The following BACE2 variants were observed in gnomAD, a reference collection of about 807,000 sequenced individuals.
BACE2 encodes 56 kDa aspartic-like protease.
BACE2 carries 17 observed loss-of-function variants against 46.2 expected under a neutral mutation model. That is an observed-to-expected ratio of 0.37 (90% CI 0.25 to 0.55). The LOEUF is 0.55. BACE2 is among the 20% of genes least tolerant of loss of function. The pLI is 0.82. For missense variants in BACE2, 595 were observed against 698.1 expected (o/e 0.85, Z 1.66); for synonymous variants, 277 against 295.9 (o/e 0.94, Z 0.66).
rs1291332886 is a variant in BACE2 at position 41,276,955 on chromosome 21, T to C, written c.*1331T>C. 6.6e-6 allele frequency: 1 copy of C among 152,110 alleles called. No homozygotes were observed. The highest frequency in any genetic ancestry group is 1.5e-5 in the Non-Finnish European group (1 of 68,020). The allele number at this position is 152,110 out of a possible 1,614,324, so 9.4% of individuals were successfully genotyped here. A position where few individuals can be genotyped will look rare whatever the true frequency, so the allele number is the denominator to read the frequency against. The stretch of plus-strand genomic sequence containing the variant: ...TACTTTCTGTCACTTATCGAGGCCT[T>C]TGCCAAAGAAAAGTGGAAGCCGTTT... On this transcript the variant is annotated 3_prime_UTR_variant, in exon 9 of 9. Transcript: ENST00000330333.
In BACE2 at chr21:41,168,331, A is replaced by G; in HGVS notation, c.68A>G (p.Glu23Gly). ...LAQWLLRAAPELAPAPFTLPL... is the reference protein window; with the variant it reads ...LAQWLLRAAPGLAPAPFTLPL... The stretch of plus-strand genomic sequence containing the variant: ...CAGTGGCTCCTGCGCGCCGCCCCGG[A>G]GCTGGCCCCCGCGCCCTTCACGCTG... Residue 23 changes from glutamate to glycine, a missense_variant, in exon 1 of 9, where the codon GAG becomes GGG. Glu to Gly is a moderately conservative substitution (Grantham distance 98, BLOSUM62 -2). Transcript: ENST00000330333. 2 of 1,354,078 alleles carry G rather than the reference A, an allele frequency of 1.5e-6. No individual in the cohort carries two copies. The highest frequency in any genetic ancestry group is 1.9e-6 in the Non-Finnish European group (2 of 1,051,610). The allele number at this position is 1,354,078 out of a possible 1,614,324, so 83.9% of individuals were successfully genotyped here. A position where few individuals can be genotyped will look rare whatever the true frequency, so the allele number is the denominator to read the frequency against.
intron 8 of BACE2, among the ~76,000 whole-genome samples, chr21:41,259,402 C>T (rs1455552402): frequency 6.6e-6 from 1 of 151,214 alleles, no homozygotes; most frequent in African/African-American, 2.4e-5. Flanking sequence ...AGACAGTGCT[C>T]GATAGAACCC....
At chr21:41,270,730 A>G (rs1221229900) in intron 8 of BACE2, among the ~76,000 whole-genome samples, 1 of 152,224 alleles carries the variant, frequency 6.6e-6, no homozygotes, top group Non-Finnish European at 1.5e-5. Flanking sequence ...ATTGTCCAGA[A>G]TATAGTCTAT....
chr21:41,252,304 G>A (rs1274282350), intron 7 of BACE2, among the ~76,000 whole-genome samples: 3 of 152,046 alleles, frequency 2.0e-5, no homozygotes, highest in Non-Finnish European at 2.9e-5. Flanking sequence ...GCCTGCAACT[G>A]TCTCCTAACC....
At chr21:41,250,974 TTA>T in intron 7 of BACE2, 73 bp downstream of exon 7, 1 of 1,380,704 alleles carries the variant, frequency 7.2e-7, no homozygotes, top group Non-Finnish European at 1.0e-6. Flanking sequence ...GACACGTGTA[TTA>T]GATGTCACAC....
intron 8 of BACE2, among the ~76,000 whole-genome samples, chr21:41,260,894 T>A (rs1391480408): frequency 2.6e-5 from 4 of 152,216 alleles, no homozygotes; most frequent in Admixed American, 6.5e-5. Flanking sequence ...TGGTTTATTT[T>A]TTTTTATTTT....
chr21:41,173,306 C>T (rs1018850030), intron 1 of BACE2, among the ~76,000 whole-genome samples: 1 of 152,092 alleles, frequency 6.6e-6, no homozygotes, highest in East Asian at 1.9e-4. Context: ...ACACAAATGA[C>T]GATTTTAGTG....
intron 1 of BACE2, among the ~76,000 whole-genome samples, chr21:41,201,849 G>C (rs891367861): frequency 6.6e-6 from 1 of 152,196 alleles, no homozygotes; most frequent in Non-Finnish European, 1.5e-5. Flanking sequence ...AGGGTTTTAA[G>C]CAGTAATCAA....
intron 1 of BACE2, among the ~76,000 whole-genome samples, chr21:41,206,004 C>T (rs1568867297): frequency 6.6e-6 from 1 of 152,160 alleles, no homozygotes; most frequent in Non-Finnish European, 1.5e-5. Context: ...GCATCATTCA[C>T]AATAGCAAAA....
chr21:41,259,449 T>C (rs1987872947), intron 8 of BACE2, among the ~76,000 whole-genome samples: 1 of 152,144 alleles, frequency 6.6e-6, no homozygotes, highest in Non-Finnish European at 1.5e-5. Flanking sequence ...TTCTTTTTTT[T>C]TTTTAAGTAT....
chr21:41,265,897 A>G (rs935532422), intron 8 of BACE2, among the ~76,000 whole-genome samples: 4 of 152,204 alleles, frequency 2.6e-5, no homozygotes, highest in Non-Finnish European at 4.4e-5. Context: ...GACTTATTCA[A>G]GTACTTTCAT....
At chr21:41,195,078 G>C (rs1355638090) in intron 1 of BACE2, among the ~76,000 whole-genome samples, 1 of 152,230 alleles carries the variant, frequency 6.6e-6, no homozygotes, top group Non-Finnish European at 1.5e-5. Flanking sequence ...GAAGGCCTGT[G>C]GGCCAAATCT....
intron 8 of BACE2, among the ~76,000 whole-genome samples, chr21:41,271,769 C>T (rs144217908): frequency 0.019 from 2,920 of 152,268 alleles, 42 homozygotes; most frequent in Middle Eastern, 0.037. Flanking sequence ...TTCTTGCCTT[C>T]GGTCCTTTGT....
At chr21:41,267,251 G>T (rs917189470) in intron 8 of BACE2, among the ~76,000 whole-genome samples, 4 of 152,112 alleles carry the variant, frequency 2.6e-5, no homozygotes, top group African/African-American at 4.8e-5. Flanking sequence ...AATCATTACT[G>T]CAGTCAGATT....
intron 2 of BACE2, among the ~76,000 whole-genome samples, chr21:41,234,223 T>A (rs9979662): frequency 0.11 from 16,080 of 152,244 alleles, 933 homozygotes; most frequent in Non-Finnish European, 0.12. Flanking sequence ...ATGTAAGACA[T>A]GCCTTTCACC....
At chr21:41,227,115 G>C (rs1986841790) in intron 2 of BACE2, among the ~76,000 whole-genome samples, 1 of 152,252 alleles carries the variant, frequency 6.6e-6, no homozygotes, top group African/African-American at 2.4e-5. Context: ...CTGTGAACTG[G>C]AAGCTGCTCT....
intron 7 of BACE2, among the ~76,000 whole-genome samples, chr21:41,254,280 G>A (rs2123623686): frequency 6.6e-6 from 1 of 152,304 alleles, no homozygotes; most frequent in Non-Finnish European, 1.5e-5. Context: ...TTTCTTCACA[G>A]CTTCTACTTT....
Position 41,241,904 on chromosome 21 carries a change from C to A in BACE2, c.704C>A (p.Ala235Asp), listed in dbSNP as rs762588061. The change falls in exon 4 of 9, where the codon GCC becomes GAC. Residue 235 changes from alanine (A) to aspartate (D), a missense_variant. Ala to Asp is a moderately radical substitution (Grantham distance 126). Transcript: ENST00000330333. Reference protein sequence around the residue: ...PNVFSMQMCGAGLPVAGSGTN... With the variant: ...PNVFSMQMCGDGLPVAGSGTN... ...GTTTTCTCCATGCAGATGTGTGGAG[C>A]CGGCTTGCCCGTTGCTGGATCTGGG... The A allele has an allele frequency of 6.2e-7, 1 of 1,614,164 alleles. No homozygotes were observed. Among genetic ancestry groups the A allele is most frequent in the Admixed American group, 1.7e-5 (1 of 60,032 alleles).
intron 4 of BACE2, among the ~76,000 whole-genome samples, chr21:41,242,465 C>G (rs903301766): frequency 6.6e-6 from 1 of 152,042 alleles, no homozygotes; most frequent in African/African-American, 2.4e-5. Context: ...CTCCAGGGGC[C>G]GGCACCCAGA....
Sources: gnomAD v4.1 joint callset for allele counts (sites outside exome capture counted in the v4.1 genomes callset) on GRCh38, gnomAD v4.1.1 for gene constraint, MANE v1.5 for transcripts, NCBI Gene and HGNC (gene_info 2026-07-23, HGNC 2026-07-21) for gene names.